Variants in FYB2 observed in about 807,000 individuals in gnomAD.
FYB2 encodes the protein FYN-binding protein 2.
FYB2 carries 103 observed loss-of-function variants against 94.1 expected under a neutral mutation model. The observed-to-expected ratio is 1.09, with a 90% CI of 0.93 to 1.29. The LOEUF is 1.29. Among genes scored for constraint, FYB2 ranks in the 50% most tolerant of loss-of-function variants. The pLI is 0.00. For missense variants in FYB2, 896 were observed against 841.5 expected (o/e 1.06, Z -0.80); for synonymous variants, 293 against 287.9 (o/e 1.02, Z -0.18).
rs1273348736 is a variant in FYB2, at chr1:56,719,301, A to AT, written c.*369dup. 1 of 183,590 alleles carries AT rather than the reference A, an allele frequency of 5.4e-6. No homozygotes were observed. The highest frequency in any genetic ancestry group is 2.4e-5 in the African/African-American group (1 of 42,480). 11.4% of individuals were successfully genotyped at this position (183,590 alleles called of 1,614,324 possible). On this transcript the variant is annotated 3_prime_UTR_variant, in exon 20 of 20. Coordinates refer to ENST00000343433, the MANE Select transcript of FYB2 (RefSeq NM_001004303.5). ...CAACATCTAGAAATTACAAATGCTC[A>AT]TATACTAATATTAGAAGCAAACTAA...
At chr1:56,780,163 A>G (rs1197822202) in intron 4 of FYB2, among the ~76,000 whole-genome samples, 1 of 152,194 alleles carries the variant, frequency 6.6e-6, no homozygotes, top group African/African-American at 2.4e-5. Flanking sequence ...ACCTTTGTAC[A>G]AAACTAGGCC....
chr1:56,755,016 T>C (rs2100717533), intron 7 of FYB2, among the ~76,000 whole-genome samples: 2 of 152,164 alleles, frequency 1.3e-5, no homozygotes, highest in South Asian at 4.1e-4. Context: ...GCACACGTTT[T>C]TAGATTCAAC....
intron 4 of FYB2, among the ~76,000 whole-genome samples, chr1:56,769,035 G>GTAT (rs1345787851): frequency 6.6e-6 from 1 of 151,848 alleles, no homozygotes; most frequent in Non-Finnish European, 1.5e-5. Flanking sequence ...ATTATCATTA[G>GTAT]TATTATTATT....
At chr1:56,825,132 G>T in the FYB2 span, 1 of 152,216 alleles carries the variant, frequency 6.6e-6, no homozygotes. Context: ...ATCTATTGCT[G>T]TGGCAGTTAA....
chr1:56,722,790 C>A (rs896109267), intron 17 of FYB2, among the ~76,000 whole-genome samples: 2 of 151,992 alleles, frequency 1.3e-5, no homozygotes, highest in African/African-American at 4.8e-5. Flanking sequence ...TGTTAAGAAG[C>A]CTAAACTTTA....
chr1:56,789,097 T>G lies in FYB2; in HGVS notation c.795A>C (p.Lys265Asn), dbSNP rs1031163693. The G allele has an allele frequency of 6.2e-6, 10 of 1,608,282 alleles. No individual in the cohort carries two copies. In the Admixed American group the frequency reaches 6.7e-5, roughly 11 times the overall value. Reference protein sequence around the residue: ...QPDVRHHHLPKTKPLPSIDSL... With the variant: ...QPDVRHHHLPNTKPLPSIDSL... ...AGTCGATGGAGGGCAATGGCTTTGT[T>G]TTGGGAAGGTGGTGATGCCTGACAT... The change falls in exon 3 of 20, where the codon AAA (lysine) becomes AAC (asparagine). Residue 265 changes from lysine to asparagine, a missense_variant. Transcript: ENST00000343433.
At chr1:56,732,952 G>T (rs923423274) in intron 15 of FYB2, among the ~76,000 whole-genome samples, 4 of 151,976 alleles carry the variant, frequency 2.6e-5, no homozygotes, top group Admixed American at 1.3e-4. Context: ...GACCTCAGTA[G>T]CACAAGTAAC....
intron 1 of FYB2, among the ~76,000 whole-genome samples, chr1:56,794,687 C>T (rs1440602148): frequency 6.6e-6 from 1 of 152,002 alleles, no homozygotes; most frequent in Non-Finnish European, 1.5e-5. Context: ...CACACACACG[C>T]ACAGGCACAC....
intron 4 of FYB2, among the ~76,000 whole-genome samples, chr1:56,779,543 A>G (rs1421542327): frequency 6.6e-6 from 1 of 152,210 alleles, no homozygotes; most frequent in Non-Finnish European, 1.5e-5. Context: ...TTCGAGGGAT[A>G]TAATATTGGA....
At chr1:56,766,497 G>A (rs189861217) in intron 5 of FYB2, among the ~76,000 whole-genome samples, 1 of 151,564 alleles carries the variant, frequency 6.6e-6, no homozygotes, top group African/African-American at 2.4e-5. Flanking sequence ...GCAGTGGCGC[G>A]ATCTCGGCTC....
intron 4 of FYB2, among the ~76,000 whole-genome samples, chr1:56,771,840 C>T (rs917401454): frequency 1.1e-4 from 16 of 151,912 alleles, no homozygotes; most frequent in African/African-American, 3.9e-4. Context: ...TCTTTTTTCC[C>T]CTCATTTATT....
chr1:56,760,612 C>A (rs1206133564), intron 5 of FYB2, among the ~76,000 whole-genome samples: 1 of 152,058 alleles, frequency 6.6e-6, no homozygotes, highest in Non-Finnish European at 1.5e-5. Flanking sequence ...CTTTCTACTC[C>A]AATTTATTTA....
At chr1:56,764,550 A>ATT (rs3034106) in intron 5 of FYB2, among the ~76,000 whole-genome samples, 135 of 147,990 alleles carry the variant, frequency 9.1e-4, no homozygotes, top group African/African-American at 2.7e-3. Flanking sequence ...TAACATTGTC[A>ATT]TTTTTTTTTT....
chr1:56,744,037 G>A lies in FYB2; in HGVS notation c.1532C>T (p.Ala511Val), dbSNP rs139236074. 2 of 1,612,208 alleles carry A rather than the reference G, an allele frequency of 1.2e-6. No homozygotes were observed. The highest frequency in any genetic ancestry group is 1.7e-6 in the Non-Finnish European group (2 of 1,179,170). ...CTTCCTATACTTACCACTACTTGAG[G>A]CAAGTGAGCTAGAGTAGTTCAGCTT... Reference protein sequence around the residue: ...VPKLNYSSSLASSSEENRELY... With the variant: ...VPKLNYSSSLVSSSEENRELY... The change falls in exon 11 of 20, where the codon GCC (alanine) becomes GTC (valine). Residue 511 changes from alanine to valine, a missense_variant. Coordinates refer to ENST00000343433, the MANE Select transcript of FYB2 (RefSeq NM_001004303.5).
At chr1:56,819,187 A>G (rs2101133016) in intron 1 of FYB2, 95 bp downstream of exon 1, 1 of 1,478,484 alleles carries the variant, frequency 6.8e-7, no homozygotes, top group East Asian at 2.7e-5. Flanking sequence ...GGCAGCACAC[A>G]CAAGCAGTTT....
upstream of FYB2, chr1:56,819,708 G>T (rs1333779985): frequency 4.3e-5 from 11 of 258,012 alleles, no homozygotes; most frequent in Admixed American, 5.4e-4. Flanking sequence ...GACCATGCAG[G>T]CTGGACAGTG....
At chr1:56,805,785 G>T (rs1646632725) in intron 1 of FYB2, among the ~76,000 whole-genome samples, 1 of 152,136 alleles carries the variant, frequency 6.6e-6, no homozygotes, top group South Asian at 2.1e-4. Context: ...GTGCTCCCCT[G>T]CATAAATTCT....
intron 9 of FYB2, among the ~76,000 whole-genome samples, chr1:56,747,824 C>T (rs868006269): frequency 3.9e-5 from 6 of 152,120 alleles, no homozygotes; most frequent in Admixed American, 6.5e-5. Flanking sequence ...GGAATCACCA[C>T]GCTGTCTTCC....
At chr1:56,738,719 A>G (rs1489596633) in intron 13 of FYB2, 66 bp from the exon 14 acceptor site, 6 of 1,516,796 alleles carry the variant, frequency 4.0e-6, no homozygotes, top group Admixed American at 3.4e-5. Context: ...ATGAGCTGAC[A>G]GATCTCCAAT....
Sources: allele counts gnomAD v4.1 joint callset (sites outside exome capture counted in the v4.1 genomes callset), GRCh38; gene constraint gnomAD v4.1.1; transcripts MANE v1.5; gene names NCBI Gene and HGNC (gene_info 2026-07-23, HGNC 2026-07-21).